Variants in KIAA1671 observed in about 807,000 individuals in gnomAD.
KIAA1671 encodes uncharacterized protein KIAA1671.
In KIAA1671, 52 loss-of-function variants were observed where a neutral mutation model predicts 131.2. The observed-to-expected ratio is 0.40, with a 90% CI of 0.32 to 0.50. KIAA1671 has a LOEUF of 0.50. Among genes scored for constraint, KIAA1671 ranks in the 20% least tolerant of loss-of-function variants. The probability of loss-of-function intolerance (pLI) is 0.73; values close to 1 mark genes in which losing one functional copy is unlikely to be tolerated. For missense variants in KIAA1671, 2,360 were observed against 2,364.2 expected (o/e 1.00, Z 0.04); for synonymous variants, 1,003 against 961.6 (o/e 1.04, Z -0.80).
At chr22:25,001,721 ACCATCTTG>A (rs1924490480) in intron 1 of KIAA1671, among the ~76,000 whole-genome samples, 1 of 152,140 alleles carries the variant, frequency 6.6e-6, no homozygotes, top group Non-Finnish European at 1.5e-5. Context: ...CCTGGACCAG[ACCATCTTG>A]CCAGGCTTGT....
chr22:25,040,603 G>T lies in KIAA1671; in HGVS notation c.3473G>T (p.Gly1158Val). The change falls in exon 5 of 13, where the codon GGA becomes GTA. Residue 1158 changes from glycine to valine, a missense_variant. Gly to Val is a moderately radical substitution (Grantham distance 109). Transcript: ENST00000358431. ...GCGAACAAGATGTCCCCCAGCGGCG[G>T]AGCTCCCCAAACCACCCCGACTCTG... is the stretch of plus-strand genomic sequence containing the variant. ...ESANKMSPSG[G>V]APQTTPTLRS... The T allele has an allele frequency of 6.4e-7, 1 of 1,551,802 alleles. No homozygotes were observed.
intron 6 of KIAA1671, among the ~76,000 whole-genome samples, chr22:25,109,388 A>G (rs1296906411): frequency 6.6e-6 from 1 of 152,100 alleles, no homozygotes; most frequent in Non-Finnish European, 1.5e-5. Flanking sequence ...GATTACAGAC[A>G]TGAGCCGCCG....
chr22:25,188,677 A>G (rs1202810316), intron 11 of KIAA1671, among the ~76,000 whole-genome samples: 1 of 152,192 alleles, frequency 6.6e-6, no homozygotes, highest in Non-Finnish European at 1.5e-5. Flanking sequence ...TATTCTTACA[A>G]TAAAGTAAGC....
At chr22:24,997,487 G>A (rs932134270) in intron 1 of KIAA1671, among the ~76,000 whole-genome samples, 5 of 152,090 alleles carry the variant, frequency 3.3e-5, no homozygotes, top group South Asian at 2.1e-4. Context: ...CTGACATGTC[G>A]ATGTCCGGGA....
At chr22:25,148,528 T>C (rs1932935861) in intron 6 of KIAA1671, among the ~76,000 whole-genome samples, 2 of 152,312 alleles carry the variant, frequency 1.3e-5, no homozygotes, top group South Asian at 4.1e-4. Context: ...TGGGCAACTG[T>C]AGGGCTTATC....
chr22:25,029,079 G>A lies in KIAA1671; in HGVS notation c.1080G>A (p.Ser360=), dbSNP rs994332920. ...KIRERKEKML[S]KPEMGSPRAL... ...GTGAACGGAAGGAGAAGATGCTTTC[G>A]AAGCCGGAGATGGGCAGCCCCAGAG... is the stretch of plus-strand genomic sequence containing the variant. The change falls in exon 3 of 13, where the codon TCG becomes TCA. Residue 360 remains serine (S), a synonymous_variant. Coordinates refer to ENST00000358431, the MANE Select transcript of KIAA1671 (RefSeq NM_001145206.2). The A allele has an allele frequency of 1.1e-5, 17 of 1,497,014 alleles. No homozygotes were observed. Among genetic ancestry groups the A allele is most frequent in the Middle Eastern group, 1.7e-4 (1 of 5,748 alleles). The allele number at this position is 1,497,014 out of a possible 1,614,324, so 92.7% of individuals were successfully genotyped here.
intron 1 of KIAA1671, among the ~76,000 whole-genome samples, chr22:25,005,357 A>AG (rs955300239): frequency 9.9e-5 from 15 of 151,732 alleles, no homozygotes; most frequent in African/African-American, 3.6e-4. Flanking sequence ...AAAAAAAAAA[A>AG]AAAAAAAGAA....
intron 1 of KIAA1671, among the ~76,000 whole-genome samples, chr22:25,020,269 G>A (rs1163277225): frequency 6.6e-6 from 1 of 152,122 alleles, no homozygotes; most frequent in East Asian, 1.9e-4. Flanking sequence ...AGCACAAGTT[G>A]TTGAGAAGAT....
intron 6 of KIAA1671, among the ~76,000 whole-genome samples, chr22:25,094,475 C>T (rs1453325830): frequency 1.3e-5 from 2 of 152,088 alleles, no homozygotes; most frequent in East Asian, 3.9e-4. Flanking sequence ...CAAGCAGGCC[C>T]TGGGGTGGGA....
At chr22:25,034,341 C>T (rs911138211) in intron 4 of KIAA1671, among the ~76,000 whole-genome samples, 6 of 152,046 alleles carry the variant, frequency 3.9e-5, no homozygotes, top group African/African-American at 7.2e-5. Flanking sequence ...CCACCACACC[C>T]GGCCACGACG....
intron 1 of KIAA1671, among the ~76,000 whole-genome samples, chr22:24,964,424 T>TA (rs1381768617): frequency 7.0e-6 from 1 of 142,804 alleles, no homozygotes; most frequent in Non-Finnish European, 1.5e-5. Context: ...TCCTATGTAC[T>TA]TTTTTTTTTA....
chr22:25,017,627 A>T, intron 1 of KIAA1671, among the ~76,000 whole-genome samples: 1 of 152,196 alleles, frequency 6.6e-6, no homozygotes, highest in South Asian at 2.1e-4. Context: ...TGAAATAGTA[A>T]ATTTTATGTT....
chr22:25,012,060 A>G (rs1925069879), intron 1 of KIAA1671: 2 of 152,206 alleles, frequency 1.3e-5, no homozygotes, highest in Admixed American at 1.3e-4. Context: ...CTGCAAAGGA[A>G]GCTGAGAAAG....
chr22:25,055,827 G>GAT lies in KIAA1671; in HGVS notation c.4530+6465_4530+6466dup, dbSNP rs1316520488. The GAT allele has an allele frequency of 6.9e-5, 10 of 144,006 alleles. 1 individual carries two copies. Among genetic ancestry groups the GAT allele is most frequent in the East Asian group, 6.3e-4 (3 of 4,800 alleles). 8.9% of individuals were successfully genotyped at this position (144,006 alleles called of 1,614,324 possible). ...AGATATAGATATAGATATAGATATAGATAGATATAGATACAGATACAGATA... is the reference window on the plus strand; with the variant it reads ...AGATATAGATATAGATATAGATATAGATATAGATATAGATACAGATACAGATA... On this transcript the variant is annotated intron_variant, in intron 6 of 12. Transcript: ENST00000358431.
intron 1 of KIAA1671, among the ~76,000 whole-genome samples, chr22:25,019,529 A>G (rs1223543454): frequency 3.3e-5 from 5 of 152,076 alleles, no homozygotes; most frequent in Non-Finnish European, 7.4e-5. Flanking sequence ...AAAAAATTGC[A>G]CAAACAACAT....
intron 10 of KIAA1671, among the ~76,000 whole-genome samples, chr22:25,182,182 A>ACAAAAAAC (rs1555885470): frequency 6.7e-6 from 1 of 148,500 alleles, no homozygotes; most frequent in African/African-American, 2.5e-5. Flanking sequence ...CCATCTCAAA[A>ACAAAAAAC]AAAAAACAAA....
intron 5 of KIAA1671, among the ~76,000 whole-genome samples, chr22:25,047,750 GGCATGA>G (rs376460259): frequency 0.03 from 4,592 of 152,346 alleles, 96 homozygotes; most frequent in Middle Eastern, 0.12. Context: ...TGGGATTACA[GGCATGA>G]GCTACTGCGC....
At chr22:25,060,196 A>C (rs574376291) in intron 6 of KIAA1671, 2 of 152,168 alleles carry the variant, frequency 1.3e-5, no homozygotes, top group East Asian at 3.9e-4. Context: ...TTATTTATTT[A>C]TTTTGAGATG....
chr22:25,151,729 C>T (rs909326345), intron 6 of KIAA1671, among the ~76,000 whole-genome samples: 3 of 152,026 alleles, frequency 2.0e-5, no homozygotes, highest in African/African-American at 4.8e-5. Flanking sequence ...TGTGAGCCAC[C>T]GCACATGGCC....
Sources: gnomAD v4.1 joint callset for allele counts (sites outside exome capture counted in the v4.1 genomes callset) on GRCh38, gnomAD v4.1.1 for gene constraint, MANE v1.5 for transcripts, NCBI Gene and HGNC (gene_info 2026-07-23, HGNC 2026-07-21) for gene names.